The following NECAB1 variants were observed in gnomAD, a reference collection of about 807,000 sequenced individuals.
NECAB1 encodes the protein N-terminal EF-hand calcium-binding protein 1.
In NECAB1, 29 loss-of-function variants were observed where a neutral mutation model predicts 57.5. That is an observed-to-expected ratio of 0.50 (90% CI 0.38 to 0.69). The LOEUF is 0.69. NECAB1 is among the 30% of genes least tolerant of loss of function. The probability of loss-of-function intolerance (pLI) is 0.00; values close to 1 mark genes in which losing one functional copy is unlikely to be tolerated. For synonymous variants in NECAB1, 142 were observed against 147.7 expected, an observed-to-expected ratio of 0.96 and a Z score of 0.28; for missense variants, 372 against 413.8, an observed-to-expected ratio of 0.90 and a Z score of 0.88.
intron 1 of NECAB1, among the ~76,000 whole-genome samples, chr8:90,801,478 C>A (rs918243202): frequency 6.6e-6 from 1 of 151,964 alleles, no homozygotes; most frequent in Non-Finnish European, 1.5e-5. Flanking sequence ...ATGGCTATAC[C>A]ACAGTTGGTT....
At chr8:90,808,776 G>A (rs1696514130) in intron 2 of NECAB1, among the ~76,000 whole-genome samples, 1 of 150,348 alleles carries the variant, frequency 6.7e-6, no homozygotes, top group South Asian at 2.1e-4. Flanking sequence ...CTCGCAAGTA[G>A]CTGGGACTAC....
At chr8:90,794,607 A>G (rs978640245) in intron 1 of NECAB1, among the ~76,000 whole-genome samples, 1 of 152,228 alleles carries the variant, frequency 6.6e-6, no homozygotes, top group African/African-American at 2.4e-5. Context: ...GACAGATTTT[A>G]ACAAGAAAAT....
rs570856583 is a variant in NECAB1, at chr8:90,792,761, A to C, written c.99+776A>C. Among the ~76,000 whole-genome samples, 5 of 151,740 alleles carry C rather than the reference A, an allele frequency of 3.3e-5. No individual in the cohort carries two copies. The South Asian group carries it at 1.0e-3, about 32-fold the overall frequency. On this transcript the variant is annotated intron_variant, in intron 1 of 12. Transcript: ENST00000417640. Reference sequence around the variant, plus strand: ...ATGGTGTGGTTTCTATCTTTACAGCACTTTTATTTCTTATTTATTTCTCAA... The same window carrying C: ...ATGGTGTGGTTTCTATCTTTACAGCCCTTTTATTTCTTATTTATTTCTCAA...
At chr8:90,884,414 T>C (rs891718775) in intron 5 of NECAB1, among the ~76,000 whole-genome samples, 1 of 152,182 alleles carries the variant, frequency 6.6e-6, no homozygotes, top group Non-Finnish European at 1.5e-5. Context: ...TTTATTTGAG[T>C]CTTACTATGA....
At chr8:90,818,911 A>T (rs888193217) in intron 2 of NECAB1, among the ~76,000 whole-genome samples, 1 of 151,948 alleles carries the variant, frequency 6.6e-6, no homozygotes, top group South Asian at 2.1e-4. Flanking sequence ...GGATTTTTTT[A>T]AATTCTCTTT....
At chr8:90,919,916 T>C (rs375051307) in intron 6 of NECAB1, among the ~76,000 whole-genome samples, 102 of 152,338 alleles carry the variant, frequency 6.7e-4, no homozygotes, top group African/African-American at 2.3e-3. Flanking sequence ...ACCTGTGCTC[T>C]GCATTTACCA....
In NECAB1 at chr8:90,917,870, A is replaced by ATATATATATATATGTGTG. The variant is rs1554575432; in HGVS notation, c.494+243_494+244insATATATATATATGTGTGT. On this transcript the variant is annotated intron_variant, in intron 6 of 12. Transcript: ENST00000417640. ...TATATATATATATATATATATATAT[A>ATATATATATATATGTGTG]TGTGTGTGTGTGCGTGTATATATAT... Among the ~76,000 whole-genome samples the ATATATATATATATGTGTG allele has an allele frequency of 2.6e-3, 170 of 64,284 alleles. 1 individual carries two copies. The highest frequency in any genetic ancestry group is 0.011 in the African/African-American group (106 of 9,562). 42.2% of individuals were successfully genotyped at this position (64,284 alleles called of 152,430 possible). A position where few individuals can be genotyped will look rare whatever the true frequency, so the allele number is the denominator to read the frequency against.
chr8:90,920,943 C>A (rs1410435518), intron 6 of NECAB1, among the ~76,000 whole-genome samples: 2 of 152,282 alleles, frequency 1.3e-5, no homozygotes, highest in Non-Finnish European at 2.9e-5. Flanking sequence ...CTGAGGAGAC[C>A]AATCTAACAG....
intron 4 of NECAB1, among the ~76,000 whole-genome samples, chr8:90,877,013 A>G (rs1808740044): frequency 6.6e-6 from 1 of 152,244 alleles, no homozygotes; most frequent in African/African-American, 2.4e-5. Flanking sequence ...TTCTAATGCC[A>G]TGACTTAAGG....
At chr8:90,795,876 AT>A in intron 1 of NECAB1, among the ~76,000 whole-genome samples, 1 of 152,322 alleles carries the variant, frequency 6.6e-6, no homozygotes, top group Admixed American at 6.5e-5. Context: ...AATTTAATGC[AT>A]GCTGGGCTTA....
At chr8:90,946,893 T>C (rs552162816) in intron 10 of NECAB1, among the ~76,000 whole-genome samples, 7 of 152,200 alleles carry the variant, frequency 4.6e-5, no homozygotes, top group African/African-American at 1.7e-4. Context: ...CAACACTGAG[T>C]GGTACATTGG....
Position 90,824,687 on chromosome 8 carries a change from A to G in NECAB1, c.125-30A>G, listed in dbSNP as rs756473087. 22 of 1,366,354 alleles carry G rather than the reference A, an allele frequency of 1.6e-5. No individual in the cohort carries two copies. In the African/African-American group the frequency reaches 2.6e-4, roughly 16 times the overall value. The allele number at this position is 1,366,354 out of a possible 1,614,324, so 84.6% of individuals were successfully genotyped here. On this transcript the variant is annotated intron_variant, in intron 2 of 12. Coordinates refer to ENST00000417640, the MANE Select transcript of NECAB1 (RefSeq NM_022351.5). ...CAGAACAATGTACAAAATTAAAATAATTTGTGTCTCTTTGTTCTTGCCATT... is the reference window on the plus strand; with the variant it reads ...CAGAACAATGTACAAAATTAAAATAGTTTGTGTCTCTTTGTTCTTGCCATT...
chr8:90,944,193 C>T (rs373687678), intron 10 of NECAB1, among the ~76,000 whole-genome samples: 5 of 152,254 alleles, frequency 3.3e-5, no homozygotes, highest in African/African-American at 1.2e-4. Context: ...ATTTGGTCAT[C>T]CTTAGAGTTT....
chr8:90,866,807 A>G (rs890601356), intron 3 of NECAB1, among the ~76,000 whole-genome samples: 7 of 152,170 alleles, frequency 4.6e-5, no homozygotes, highest in African/African-American at 1.7e-4. Flanking sequence ...TGTCGGTGGG[A>G]ATGTAAATTA....
chr8:90,887,344 T>G (rs1248978442), intron 5 of NECAB1, among the ~76,000 whole-genome samples: 1 of 152,228 alleles, frequency 6.6e-6, no homozygotes, highest in Non-Finnish European at 1.5e-5. Context: ...AGTAATAAAC[T>G]ATGACTTACA....
chr8:90,848,638 T>A (rs116010883), intron 3 of NECAB1, among the ~76,000 whole-genome samples: 6,093 of 152,262 alleles, frequency 0.04, 398 homozygotes, highest in African/African-American at 0.13. Context: ...GCAAAGGCAC[T>A]TCTTACATGG....
In NECAB1 at chr8:90,853,589, T is replaced by G. The variant is rs993821080; in HGVS notation, c.234-18539T>G. On this transcript the variant is annotated intron_variant, in intron 3 of 12. Transcript: ENST00000417640. ...TTTGTTTATTTATTAGTGAGCTCCA[T>G]TAGCAGCTCACTAATACTTCTTAGA... Among the ~76,000 whole-genome samples, 33 of 152,236 alleles carry G rather than the reference T, an allele frequency of 2.2e-4. 1 individual carries two copies. The highest frequency in any genetic ancestry group is 3.4e-4 in the Non-Finnish European group (23 of 68,036).
At chr8:90,941,677 T>G (rs1226015729) in intron 10 of NECAB1, among the ~76,000 whole-genome samples, 1 of 152,194 alleles carries the variant, frequency 6.6e-6, no homozygotes, top group Non-Finnish European at 1.5e-5. Context: ...ATCACTACTA[T>G]TATTTGTTCT....
rs757094392 is a variant in NECAB1 at position 90,872,165 on chromosome 8, T to C, written c.259+12T>C. On this transcript the variant is annotated intron_variant, in intron 4 of 12. Transcript: ENST00000417640. ...AGAAGAGCTATGTGGTAAGTGTTTC[T>C]TTAAGATCAGTCAAACCTATTACTT... 1 of 1,544,344 alleles carries C rather than the reference T, an allele frequency of 6.5e-7. No homozygotes were observed.
Sources: allele counts gnomAD v4.1 joint callset (sites outside exome capture counted in the v4.1 genomes callset), GRCh38; gene constraint gnomAD v4.1.1; transcripts MANE v1.5; gene names NCBI Gene and HGNC (gene_info 2026-07-23, HGNC 2026-07-21).